ABCC4: variants seen among roughly 807,000 people sequenced by gnomAD.
ABCC4 encodes ATP binding cassette subfamily C member 4 (PEL blood group).
In ABCC4, 102 loss-of-function variants were observed where a neutral mutation model predicts 168.5. The observed-to-expected ratio is 0.61, with a 90% confidence interval of 0.52 to 0.71. The LOEUF is 0.71. ABCC4 is among the 30% of genes least tolerant of loss of function. ABCC4 has a pLI of 0.00. For missense variants in ABCC4, 1,402 were observed against 1,605.8 expected (o/e 0.87, Z 2.17); for synonymous variants, 617 against 590.7 (o/e 1.04, Z -0.65).
intron 20 of ABCC4, among the ~76,000 whole-genome samples, chr13:95,097,769 A>G (rs920436613): frequency 6.6e-6 from 1 of 152,028 alleles, no homozygotes; most frequent in Non-Finnish European, 1.5e-5. Flanking sequence ...TTTTAAAAAA[A>G]AAAAATCCCT....
At chr13:95,273,253 C>G (rs59514866) in intron 1 of ABCC4, among the ~76,000 whole-genome samples, 1,957 of 152,272 alleles carry the variant, frequency 0.013, 36 homozygotes, top group African/African-American at 0.044. Flanking sequence ...CTTTTCCTGA[C>G]GTTTCTTTCA....
At position 95,301,398 on chromosome 13, in the gene ABCC4, G is replaced by T; in HGVS notation, c.-84C>A. The T allele has an allele frequency of 8.1e-7, 1 of 1,239,128 alleles. No individual in the cohort carries two copies. Among genetic ancestry groups the T allele is most frequent in the Non-Finnish European group, 1.1e-6 (1 of 912,174 alleles). The allele number at this position is 1,239,128 out of a possible 1,614,324, so 76.8% of individuals were successfully genotyped here. On this transcript the variant is annotated 5_prime_UTR_variant, in exon 1 of 31. Transcript: ENST00000645237. ...GGCTCCGCTCCTGGACCTCAAGCAG[G>T]GATGCTGGGGCTCCGGCCGCCACGC...
chr13:95,092,433 C>A (rs1302371017), intron 20 of ABCC4, among the ~76,000 whole-genome samples: 1 of 152,016 alleles, frequency 6.6e-6, no homozygotes, highest in Non-Finnish European at 1.5e-5. Context: ...ATCTTCAAAA[C>A]CATGCAAATA....
chr13:95,224,570 C>T (rs2039401674), intron 4 of ABCC4, among the ~76,000 whole-genome samples: 1 of 152,050 alleles, frequency 6.6e-6, no homozygotes, highest in Non-Finnish European at 1.5e-5. Context: ...AACCCCATCT[C>T]TACCAAAAAT....
At chr13:95,134,857 G>A (rs1440284024) in intron 19 of ABCC4, among the ~76,000 whole-genome samples, 1 of 152,130 alleles carries the variant, frequency 6.6e-6, no homozygotes, top group Non-Finnish European at 1.5e-5. Context: ...TCACCAAGCA[G>A]CGATGACACC....
rs1555324790 is a variant in ABCC4, at chr13:95,167,201, A to AATAC, written c.1825-835_1825-834insGTAT. Among the ~76,000 whole-genome samples the AATAC allele has an allele frequency of 2.6e-5, 4 of 151,550 alleles. No homozygotes were observed. In the South Asian group the frequency reaches 6.3e-4, roughly 24 times the overall value. On this transcript the variant is annotated intron_variant, in intron 14 of 30. Coordinates refer to ENST00000645237, the MANE Select transcript of ABCC4 (RefSeq NM_005845.5). Reference sequence around the variant, plus strand: ...TCATAAATAAATAAATAAATAAATAAATAAATAAATAAATAAATAATTGCC... The same window carrying AATAC: ...TCATAAATAAATAAATAAATAAATAAATACATAAATAAATAAATAAATAATTGCC...
At chr13:95,195,823 A>G (rs942455323) in intron 8 of ABCC4, among the ~76,000 whole-genome samples, 2 of 152,090 alleles carry the variant, frequency 1.3e-5, no homozygotes, top group Non-Finnish European at 2.9e-5. Context: ...CACTGGAGAC[A>G]GGGTTTCACC....
At chr13:95,237,905 G>C (rs1455694440) in intron 3 of ABCC4, among the ~76,000 whole-genome samples, 3 of 151,974 alleles carry the variant, frequency 2.0e-5, no homozygotes, top group Non-Finnish European at 4.4e-5. Context: ...TTAGAAATGG[G>C]GAAATACAGC....
chr13:95,053,397 A>C (rs2032921773), intron 26 of ABCC4, among the ~76,000 whole-genome samples: 1 of 152,234 alleles, frequency 6.6e-6, no homozygotes, highest in Admixed American at 6.5e-5. Flanking sequence ...GAACACTAAC[A>C]AAACTGTTGC....
intron 1 of ABCC4, among the ~76,000 whole-genome samples, chr13:95,248,770 T>C (rs1243939117): frequency 5.3e-5 from 8 of 152,084 alleles, no homozygotes; most frequent in African/African-American, 1.7e-4. Flanking sequence ...AGAAAAAGGC[T>C]GGGCAGTGGC....
chr13:95,179,094 G>GA (rs1466248576), intron 11 of ABCC4, among the ~76,000 whole-genome samples: 16 of 152,190 alleles, frequency 1.1e-4, no homozygotes, highest in Non-Finnish European at 2.1e-4. Context: ...CTTGCGGCTG[G>GA]ATAAGTGAGT....
intron 19 of ABCC4, among the ~76,000 whole-genome samples, chr13:95,123,246 C>A (rs2035638728): frequency 6.6e-6 from 1 of 152,212 alleles, no homozygotes; most frequent in Non-Finnish European, 1.5e-5. Context: ...TCCTTTCCTG[C>A]TGCTCACCCA....
At chr13:95,075,305 C>A in intron 22 of ABCC4, 127 bp downstream of exon 22, 1 of 1,272,646 alleles carries the variant, frequency 7.9e-7, no homozygotes, top group South Asian at 1.4e-5. Context: ...GACGAAGATG[C>A]GCAAAAAAAG....
At chr13:95,102,423 A>G (rs2034842379) in intron 20 of ABCC4, among the ~76,000 whole-genome samples, 1 of 151,724 alleles carries the variant, frequency 6.6e-6, no homozygotes, top group Admixed American at 6.6e-5. Context: ...TAGGACTACA[A>G]CCATAAGACA....
chr13:95,273,080 A>G lies in ABCC4; in HGVS notation c.75-25327T>C, dbSNP rs1054743847. Reference sequence around the variant, plus strand: ...AACAGGTTGGGCTCATAAAAATCCCAGAAATTTTATCTATGGCAATTGATT... The same window carrying G: ...AACAGGTTGGGCTCATAAAAATCCCGGAAATTTTATCTATGGCAATTGATT... On this transcript the variant is annotated intron_variant, in intron 1 of 30. Transcript: ENST00000645237. Among the ~76,000 whole-genome samples, 3 of 152,346 alleles carry G rather than the reference A, an allele frequency of 2.0e-5. No homozygotes were observed. The East Asian group carries it at 5.8e-4, about 29-fold the overall frequency.
chr13:95,182,191 A>G (rs925829381), intron 11 of ABCC4, among the ~76,000 whole-genome samples: 4 of 152,224 alleles, frequency 2.6e-5, no homozygotes, highest in African/African-American at 9.6e-5. Flanking sequence ...TTATTTTATG[A>G]TTGTCAAGGC....
At chr13:95,200,710 A>G (rs2038600000) in intron 8 of ABCC4, among the ~76,000 whole-genome samples, 1 of 152,106 alleles carries the variant, frequency 6.6e-6, no homozygotes, top group African/African-American at 2.4e-5. Context: ...ACAGAGCGAG[A>G]CGCCGTCTCA....
chr13:95,199,357 T>C (rs1172955653), intron 8 of ABCC4, among the ~76,000 whole-genome samples: 3 of 152,136 alleles, frequency 2.0e-5, no homozygotes, highest in Non-Finnish European at 4.4e-5. Flanking sequence ...ATCAATTCAT[T>C]ACACTCATCA....
chr13:95,176,387 C>T (rs2037703320), intron 13 of ABCC4, among the ~76,000 whole-genome samples: 1 of 151,722 alleles, frequency 6.6e-6, no homozygotes. Context: ...CACAGCTACC[C>T]GGGAGGCTGA....
Sources: allele counts gnomAD v4.1 joint callset (sites outside exome capture counted in the v4.1 genomes callset), GRCh38; gene constraint gnomAD v4.1.1; transcripts MANE v1.5; gene names NCBI Gene and HGNC (gene_info 2026-07-23, HGNC 2026-07-21).